ANKRD11: variants seen among roughly 807,000 people sequenced by gnomAD.
ANKRD11 encodes ankyrin repeat domain 11, also known as ankyrin repeat domain-containing protein 11.
Under a neutral mutation model 195.7 loss-of-function variants are expected in ANKRD11, and 17 were observed. The ratio of observed to expected loss-of-function variants is 0.09; its 90% CI spans 0.06 to 0.13. ANKRD11 has a LOEUF of 0.13. Ranked by LOEUF, ANKRD11 falls within the 10% of genes least tolerant of loss-of-function variation. The pLI, the probability that ANKRD11 is intolerant of heterozygous loss-of-function variation, is 1.00. For missense variants in ANKRD11, 3,735 were observed against 3,566.1 expected (o/e 1.05, Z -1.21); for synonymous variants, 1,953 against 1,528.1 (o/e 1.28, Z -6.49).
At chr16:89,467,894 G>A (rs1018437498) in intron 1 of ANKRD11, among the ~76,000 whole-genome samples, 11 of 152,014 alleles carry the variant, frequency 7.2e-5, no homozygotes, top group African/African-American at 1.4e-4. Flanking sequence ...TCTGCCTCCC[G>A]GGTTCAAGTG....
chr16:89,322,994 G>A, intron 2 of ANKRD11: 1 of 295,040 alleles, frequency 3.4e-6, no homozygotes, highest in Non-Finnish European at 6.7e-6. Context: ...CAGGCCCGTG[G>A]CACCATGCCC....
chr16:89,356,132 T>C (rs1477861835), intron 2 of ANKRD11, among the ~76,000 whole-genome samples: 1 of 152,248 alleles, frequency 6.6e-6, no homozygotes, highest in Admixed American at 6.5e-5. Flanking sequence ...GAACTAGTGC[T>C]TTTCACTAAC....
chr16:89,385,888 G>A (rs1017433484), intron 2 of ANKRD11, among the ~76,000 whole-genome samples: 7 of 152,242 alleles, frequency 4.6e-5, no homozygotes, highest in Non-Finnish European at 2.9e-5. Context: ...CGTTCCCTCC[G>A]TAGGCAACCC....
intron 1 of ANKRD11, among the ~76,000 whole-genome samples, chr16:89,421,994 G>A (rs1328514016): frequency 2.6e-5 from 4 of 152,144 alleles, no homozygotes; most frequent in African/African-American, 9.7e-5. Context: ...AACCCAGGAG[G>A]TACTAATGGC....
rs201226457 is a variant in ANKRD11, at chr16:89,291,193, G to A, written c.227-10C>T. On this transcript the variant is annotated splice_polypyrimidine_tract_variant and intron_variant, in intron 4 of 12. Coordinates refer to ENST00000301030, the MANE Select transcript of ANKRD11 (RefSeq NM_013275.6). The surrounding 1 kb of genome is among the most constrained non-coding windows in gnomAD (Gnocchi z 5.3). ...TCAGGGCCCTGCTTCTCTGTGAGGC[G>A]GGCGAGGGAGAGAGGGAGGAGAGAT... The A allele has an allele frequency of 1.2e-4, 196 of 1,612,908 alleles. No homozygotes were observed. The African/African-American group carries it at 2.1e-3, about 17-fold the overall frequency.
At chr16:89,412,050 G>A (rs1290085049) in intron 2 of ANKRD11, among the ~76,000 whole-genome samples, 3 of 95,508 alleles carry the variant, frequency 3.1e-5, no homozygotes, top group Non-Finnish European at 6.3e-5. Context: ...GGGCTGAGAT[G>A]TCTCCCAGAG....
chr16:89,426,213 C>G (rs890517518), intron 1 of ANKRD11, among the ~76,000 whole-genome samples: 1 of 151,982 alleles, frequency 6.6e-6, no homozygotes, highest in Non-Finnish European at 1.5e-5. Context: ...ACAAAAAAAA[C>G]AAAGGAAGCT....
intron 2 of ANKRD11, among the ~76,000 whole-genome samples, chr16:89,407,907 T>C (rs1018555957): frequency 3.4e-5 from 5 of 148,674 alleles, no homozygotes; most frequent in East Asian, 2.0e-4. Flanking sequence ...TTTGTCCACA[T>C]AGTAAAACTC....
intron 4 of ANKRD11, chr16:89,299,166 G>A: frequency 6.4e-6 from 1 of 155,826 alleles, no homozygotes; most frequent in Admixed American, 6.5e-5. Context: ...AGGGGCCCCT[G>A]TGTATCGAGG....
At chr16:89,327,723 T>C (rs547207676) in intron 2 of ANKRD11, among the ~76,000 whole-genome samples, 6 of 152,200 alleles carry the variant, frequency 3.9e-5, no homozygotes, top group Admixed American at 1.3e-4. Context: ...GTACCATTTA[T>C]AGGTGCTCCA....
chr16:89,459,944 A>C (rs1440166486), intron 1 of ANKRD11, among the ~76,000 whole-genome samples: 2 of 146,270 alleles, frequency 1.4e-5, no homozygotes, highest in Non-Finnish European at 3.0e-5. Flanking sequence ...AAAAAAAAAG[A>C]AAAAAAAAAG....
intron 1 of ANKRD11, among the ~76,000 whole-genome samples, chr16:89,438,576 A>G (rs1022746438): frequency 2.6e-5 from 4 of 152,008 alleles, no homozygotes; most frequent in African/African-American, 9.7e-5. Context: ...CAGGTGATCC[A>G]CCCACCTGGG....
chr16:89,305,715 C>CATCT (rs2036166492), intron 3 of ANKRD11, among the ~76,000 whole-genome samples: 2 of 20,056 alleles, frequency 1.0e-4, no homozygotes. Context: ...AGACACGCGC[C>CATCT]ACCTCCCACT....
chr16:89,409,615 G>T (rs1049638762), intron 2 of ANKRD11, among the ~76,000 whole-genome samples: 4 of 152,150 alleles, frequency 2.6e-5, no homozygotes, highest in African/African-American at 4.8e-5. Context: ...GGAGTTCCAG[G>T]CCAGTCTGAG....
intron 2 of ANKRD11, among the ~76,000 whole-genome samples, chr16:89,360,918 T>C (rs1249269150): frequency 2.0e-5 from 3 of 152,200 alleles, no homozygotes; most frequent in Admixed American, 2.0e-4. Context: ...CTCTTGCCCC[T>C]GCACTGAGCC....
chr16:89,415,850 A>AAAAAAAAAAAAAAAAAAAC (rs928499930), intron 2 of ANKRD11, among the ~76,000 whole-genome samples: 1 of 147,384 alleles, frequency 6.8e-6, no homozygotes, highest in Non-Finnish European at 1.5e-5. Flanking sequence ...AAAAAAAAAA[A>AAAAAAAAAAAAAAAAAAAC]CAATGGAGAA....
At position 89,337,426 on chromosome 16, in the gene ANKRD11, A is replaced by ATT. The variant is rs763560924; in HGVS notation, c.-59-20350_-59-20349dup. On this transcript the variant is annotated intron_variant, in intron 2 of 12. Coordinates refer to ENST00000301030, the MANE Select transcript of ANKRD11 (RefSeq NM_013275.6). Reference sequence around the variant, plus strand: ...ACAATACATGAACATGGTCTAAGCAATTCTTTTTTTTTTTTTTTTTTTTTT... The same window carrying ATT: ...ACAATACATGAACATGGTCTAAGCAATTTTCTTTTTTTTTTTTTTTTTTTTTT... 8.1e-3 allele frequency among the ~76,000 whole-genome samples: 356 copies of ATT among 43,762 alleles called. 7 individuals carry two copies. The highest frequency in any genetic ancestry group is 0.014 in the Admixed American group (54 of 3,840). 28.7% of individuals were successfully genotyped at this position (43,762 alleles called of 152,430 possible).
At chr16:89,274,626 C>A in intron 11 of ANKRD11, 188 bp downstream of exon 11, 1 of 848,834 alleles carries the variant, frequency 1.2e-6, no homozygotes, top group South Asian at 1.5e-5. Context: ...CTGCTGTCTG[C>A]TGCAGCCTTC....
chr16:89,333,387 G>A (rs546586629), intron 2 of ANKRD11, among the ~76,000 whole-genome samples: 20 of 152,240 alleles, frequency 1.3e-4, no homozygotes, highest in Admixed American at 2.6e-4. Context: ...CCCACAGGCC[G>A]CACGACCTCA....
Sources: allele counts gnomAD v4.1 joint callset (sites outside exome capture counted in the v4.1 genomes callset), GRCh38; gene constraint gnomAD v4.1.1; non-coding constraint Gnocchi (gnomAD v3.1); transcripts MANE v1.5; gene names NCBI Gene and HGNC (gene_info 2026-07-23, HGNC 2026-07-21).